GRM1: variants seen among roughly 807,000 people sequenced by gnomAD.
GRM1 encodes the protein glutamate metabotropic receptor 1.
A neutral mutation model predicts 90.9 loss-of-function variants in GRM1; 33 were observed. That is an observed-to-expected ratio of 0.36 (90% confidence interval 0.28 to 0.49). The LOEUF (loss-of-function observed/expected upper bound fraction) is 0.49. Ranked by LOEUF, GRM1 falls within the 20% of genes least tolerant of loss-of-function variation. The probability of loss-of-function intolerance (pLI) is 0.99; values close to 1 mark genes in which losing one functional copy is unlikely to be tolerated. For synonymous variants in GRM1, 700 were observed against 613.2 expected, an observed-to-expected ratio of 1.14 and a Z score of -2.09; for missense variants, 1,190 against 1,534.3, an observed-to-expected ratio of 0.78 and a Z score of 3.75.
At chr6:146,085,710 T>TA (rs1325676870) in intron 1 of GRM1, among the ~76,000 whole-genome samples, 1 of 152,162 alleles carries the variant, frequency 6.6e-6, no homozygotes, top group Non-Finnish European at 1.5e-5. Context: ...TAGACATGTA[T>TA]AAACCACTGT....
At chr6:146,369,597 T>C (rs1411760794) in intron 5 of GRM1, among the ~76,000 whole-genome samples, 2 of 152,086 alleles carry the variant, frequency 1.3e-5, no homozygotes, top group Non-Finnish European at 1.5e-5. Flanking sequence ...CAGTAGCGTG[T>C]CATTTATTTT....
chr6:146,295,977 T>C (rs1419369277), intron 2 of GRM1, among the ~76,000 whole-genome samples: 1 of 152,218 alleles, frequency 6.6e-6, no homozygotes, highest in Non-Finnish European at 1.5e-5. Context: ...ATCCGGTATT[T>C]GGTTTTCTGT....
chr6:146,308,549 A>G (rs1387092367), intron 3 of GRM1, among the ~76,000 whole-genome samples: 1 of 152,206 alleles, frequency 6.6e-6, no homozygotes, highest in Non-Finnish European at 1.5e-5. Context: ...AAACAAGACA[A>G]CAATCTTTAA....
chr6:146,301,736 T>C (rs1783390486), intron 2 of GRM1, among the ~76,000 whole-genome samples: 1 of 152,148 alleles, frequency 6.6e-6, no homozygotes, highest in Non-Finnish European at 1.5e-5. Context: ...GAACTATAGC[T>C]CAAATCTTCA....
intron 2 of GRM1, among the ~76,000 whole-genome samples, chr6:146,262,222 T>C (rs1205377415): frequency 6.6e-6 from 1 of 152,098 alleles, no homozygotes; most frequent in Non-Finnish European, 1.5e-5. Context: ...AGTCAAGATG[T>C]TGTCCTCATG....
chr6:146,342,443 A>G (rs910323096), intron 3 of GRM1, among the ~76,000 whole-genome samples: 3 of 152,218 alleles, frequency 2.0e-5, no homozygotes, highest in African/African-American at 7.2e-5. Flanking sequence ...GCTGAGTGTA[A>G]TGTTACTCTG....
At chr6:146,265,299 TG>T (rs1217409563) in intron 2 of GRM1, among the ~76,000 whole-genome samples, 1 of 152,210 alleles carries the variant, frequency 6.6e-6, no homozygotes, top group African/African-American at 2.4e-5. Context: ...TGAGCATTTT[TG>T]TATATTTGTT....
chr6:146,083,921 G>T (rs1322468725), intron 1 of GRM1, among the ~76,000 whole-genome samples: 5 of 152,130 alleles, frequency 3.3e-5, no homozygotes, highest in African/African-American at 1.2e-4. Flanking sequence ...ACTTGTTATT[G>T]GTCTATTCTG....
At chr6:146,082,993 T>C (rs1776415691) in intron 1 of GRM1, among the ~76,000 whole-genome samples, 1 of 152,298 alleles carries the variant, frequency 6.6e-6, no homozygotes, top group East Asian at 1.9e-4. Flanking sequence ...ATTCTCTTTG[T>C]AGCAATTGTG....
intron 2 of GRM1, among the ~76,000 whole-genome samples, chr6:146,274,985 G>A (rs1364781279): frequency 5.9e-5 from 9 of 152,042 alleles, no homozygotes; most frequent in Non-Finnish European, 1.0e-4. Flanking sequence ...AGCCAAGATC[G>A]TGCCACTGCA....
intron 1 of GRM1, among the ~76,000 whole-genome samples, chr6:146,092,470 GT>G (rs1256185653): frequency 6.6e-6 from 1 of 152,050 alleles, no homozygotes; most frequent in African/African-American, 2.4e-5. Context: ...TTTTTATGTG[GT>G]TTTGGTATTG....
intron 1 of GRM1, among the ~76,000 whole-genome samples, chr6:146,031,573 GA>G (rs1790708680): frequency 6.6e-6 from 1 of 151,938 alleles, no homozygotes. Context: ...TTTGCTTTTG[GA>G]AAAAACTATC....
At chr6:146,426,537 T>G (rs1483525714) in intron 7 of GRM1, 10 of 1,606,280 alleles carry the variant, frequency 6.2e-6, no homozygotes, top group Non-Finnish European at 8.5e-6. Context: ...TCACTGGGTG[T>G]CTTTTTCTTT....
At position 146,434,165 on chromosome 6, in the gene GRM1, C is replaced by T. The variant is rs1778511379; in HGVS notation, c.2954C>T (p.Ala985Val). The T allele has an allele frequency of 1.2e-6, 2 of 1,613,588 alleles. No homozygotes were observed. Among genetic ancestry groups the T allele is most frequent in the African/African-American group, 1.3e-5 (1 of 74,936 alleles). Residue 985 changes from alanine to valine, a missense_variant, in exon 8 of 8, where the codon GCG (alanine) becomes GTG (valine). Physicochemically the swap from Ala to Val is moderately conservative, Grantham distance 64 (BLOSUM62 0). Transcript: ENST00000282753. ...GTGGTGCACAGGCGCGTGCCAAGCG[C>T]GGCGACCACTCCGCCTCTGCCGTCC... ...SMVVHRRVPS[A>V]ATTPPLPSHL...
chr6:146,215,349 T>G (rs1779832120), intron 2 of GRM1, among the ~76,000 whole-genome samples: 1 of 152,278 alleles, frequency 6.6e-6, no homozygotes, highest in South Asian at 2.1e-4. Flanking sequence ...ATTTCTCTTT[T>G]TTTGTCTTTT....
intron 5 of GRM1, among the ~76,000 whole-genome samples, chr6:146,366,124 A>G (rs1775676572): frequency 6.6e-6 from 1 of 152,210 alleles, no homozygotes; most frequent in Non-Finnish European, 1.5e-5. Context: ...CATGTAGGCT[A>G]GGCAATCAAA....
intron 1 of GRM1, among the ~76,000 whole-genome samples, chr6:146,030,757 C>T (rs1790677678): frequency 6.6e-6 from 1 of 152,188 alleles, no homozygotes; most frequent in Admixed American, 6.5e-5. Context: ...GCAGTCATCT[C>T]CCTCAGTATA....
intron 6 of GRM1, among the ~76,000 whole-genome samples, chr6:146,387,734 A>G (rs1329026934): frequency 6.6e-6 from 1 of 152,070 alleles, no homozygotes; most frequent in Non-Finnish European, 1.5e-5. Flanking sequence ...GTGGTCAGAA[A>G]TGAGAATAGA....
chr6:146,416,769 G>A lies in GRM1; in HGVS notation c.2660+17070G>A, dbSNP rs543038193. 9.9e-5 allele frequency among the ~76,000 whole-genome samples: 15 copies of A among 152,206 alleles called. No homozygotes were observed. The East Asian group carries it at 2.7e-3, about 27-fold the overall frequency. On this transcript the variant is annotated intron_variant, in intron 7 of 7. Transcript: ENST00000282753. ...CCGGGGGTCCTGGCTGAGATTCTGG[G>A]TTCCGATGGTGTACTTGAACCTCTA...
Sources: allele counts gnomAD v4.1 joint callset (sites outside exome capture counted in the v4.1 genomes callset), GRCh38; gene constraint gnomAD v4.1.1; transcripts MANE v1.5; gene names NCBI Gene and HGNC (gene_info 2026-07-23, HGNC 2026-07-21).